WDFY2: variants seen among roughly 807,000 people sequenced by gnomAD.
WDFY2 encodes the protein WD repeat and FYVE domain containing 2.
A neutral mutation model predicts 56.4 loss-of-function variants in WDFY2; 36 were observed. That is an observed-to-expected ratio of 0.64 (90% confidence interval 0.49 to 0.84). The LOEUF (loss-of-function observed/expected upper bound fraction) is 0.84. WDFY2 is among the 40% of genes least tolerant of loss of function. The pLI is 0.00. For synonymous variants in WDFY2, 176 were observed against 183.7 expected, an observed-to-expected ratio of 0.96 and a Z score of 0.34; for missense variants, 444 against 512.2, an observed-to-expected ratio of 0.87 and a Z score of 1.29.
chr13:51,751,177 T>C, intron 7 of WDFY2, 133 bp from the exon 8 acceptor site: 1 of 673,056 alleles, frequency 1.5e-6, no homozygotes. Flanking sequence ...TGCTGAAAAT[T>C]CCAACAGGTT....
At chr13:51,756,270 A>G in intron 9 of WDFY2, 62 bp from the exon 10 acceptor site, 2 of 1,558,966 alleles carry the variant, frequency 1.3e-6, no homozygotes, top group South Asian at 1.2e-5. Context: ...GAGGGGTGAG[A>G]TGCGGGGGCC....
At chr13:51,630,731 T>C (rs1445408236) in intron 1 of WDFY2, among the ~76,000 whole-genome samples, 1 of 151,950 alleles carries the variant, frequency 6.6e-6, no homozygotes, top group African/African-American at 2.4e-5. Context: ...ATGCTGATTG[T>C]TTAGCTTTCA....
At position 51,764,357 on chromosome 13, in the gene WDFY2, G is replaced by A. The variant is rs553772655; in HGVS notation, c.*4588G>A. ...CAGGTGTGGCAGGAGGGGCTTCACAGAGGAAAGGGACTTTGAGCTCAGTGT... is the reference window on the plus strand; with the variant it reads ...CAGGTGTGGCAGGAGGGGCTTCACAAAGGAAAGGGACTTTGAGCTCAGTGT... On this transcript the variant is annotated 3_prime_UTR_variant, in exon 12 of 12. Transcript: ENST00000298125. 12 of 152,444 alleles carry A rather than the reference G, an allele frequency of 7.9e-5. No individual in the cohort carries two copies. Among genetic ancestry groups the A allele is most frequent in the African/African-American group, 2.6e-4 (11 of 41,540 alleles). The allele number at this position is 152,444 out of a possible 1,614,324, so 9.4% of individuals were successfully genotyped here. A position where few individuals can be genotyped will look rare whatever the true frequency, so the allele number is the denominator to read the frequency against.
intron 3 of WDFY2, among the ~76,000 whole-genome samples, chr13:51,692,463 T>C (rs1221127756): frequency 2.0e-5 from 3 of 152,254 alleles, no homozygotes; most frequent in Admixed American, 6.5e-5. Context: ...ATGTGGTTTT[T>C]CTCTTTGGTT....
At chr13:51,687,522 G>A (rs1956080402) in intron 3 of WDFY2, among the ~76,000 whole-genome samples, 1 of 151,670 alleles carries the variant, frequency 6.6e-6, no homozygotes, top group Non-Finnish European at 1.5e-5. Context: ...CATTTGTCTT[G>A]GGAAGAGTGT....
chr13:51,615,973 G>C (rs1229000917), intron 1 of WDFY2, among the ~76,000 whole-genome samples: 1 of 152,218 alleles, frequency 6.6e-6, no homozygotes. Context: ...GCCACATGTG[G>C]TGGTTTTTGC....
At chr13:51,662,631 G>A (rs1593954847) in intron 2 of WDFY2, among the ~76,000 whole-genome samples, 1 of 152,300 alleles carries the variant, frequency 6.6e-6, no homozygotes, top group Non-Finnish European at 1.5e-5. Context: ...ATACAGAGAA[G>A]CTTTTAGTTG....
At chr13:51,613,380 C>T (rs200340303) in intron 1 of WDFY2, among the ~76,000 whole-genome samples, 19 of 152,236 alleles carry the variant, frequency 1.2e-4, no homozygotes, top group East Asian at 7.7e-4. Flanking sequence ...GCTCATTCTT[C>T]GGTTCTGAGA....
chr13:51,751,201 C>G, intron 7 of WDFY2, 109 bp from the exon 8 acceptor site: 1 of 936,400 alleles, frequency 1.1e-6, no homozygotes, highest in East Asian at 2.8e-5. Flanking sequence ...AAGATCTACA[C>G]TGGGGGCTCG....
At chr13:51,703,327 G>C (rs1952021134) in intron 3 of WDFY2, among the ~76,000 whole-genome samples, 3 of 152,094 alleles carry the variant, frequency 2.0e-5, no homozygotes, top group Admixed American at 2.0e-4. Flanking sequence ...CTTCAGAATC[G>C]ACCGGTATCA....
chr13:51,679,481 G>A lies in WDFY2; in HGVS notation c.279+4238G>A, dbSNP rs546708812. Among the ~76,000 whole-genome samples, 157 of 152,262 alleles carry A rather than the reference G, an allele frequency of 1.0e-3. 1 individual carries two copies. The highest frequency in any genetic ancestry group is 2.0e-3 in the Non-Finnish European group (135 of 68,026). ...ATTAATCTCGTGTGTGTTATGGGAA[G>A]TTTGATTGGGATGAGAGGATTGATC... On this transcript the variant is annotated intron_variant, in intron 3 of 11. Coordinates refer to ENST00000298125, the MANE Select transcript of WDFY2 (RefSeq NM_052950.4).
chr13:51,724,488 C>T (rs1001433987), intron 5 of WDFY2, among the ~76,000 whole-genome samples: 5 of 152,192 alleles, frequency 3.3e-5, no homozygotes, highest in African/African-American at 7.2e-5. Flanking sequence ...CCGACCGCCT[C>T]GGCCTCCCAG....
rs1953575407 is a variant in WDFY2 at position 51,761,330 on chromosome 13, C to A, written c.*1561C>A. 1.3e-5 allele frequency: 2 copies of A among 152,140 alleles called. No individual in the cohort carries two copies. Among genetic ancestry groups the A allele is most frequent in the South Asian group, 4.2e-4 (2 of 4,812 alleles). The allele number at this position is 152,140 out of a possible 1,614,324, so 9.4% of individuals were successfully genotyped here. On this transcript the variant is annotated 3_prime_UTR_variant, in exon 12 of 12. Transcript: ENST00000298125. ...GTGATTCAGCTCAGGATATTGAAGTCCCTTTTAAAAATCTTATTTTCACCT... is the reference window on the plus strand; with the variant it reads ...GTGATTCAGCTCAGGATATTGAAGTACCTTTTAAAAATCTTATTTTCACCT...
At chr13:51,742,180 C>A (rs1329170895) in intron 7 of WDFY2, among the ~76,000 whole-genome samples, 1 of 152,166 alleles carries the variant, frequency 6.6e-6, no homozygotes, top group Admixed American at 6.5e-5. Flanking sequence ...CAGCTTCTTA[C>A]CATCCTTCAG....
At chr13:51,711,924 G>A (rs1377909488) in intron 4 of WDFY2, among the ~76,000 whole-genome samples, 1 of 152,164 alleles carries the variant, frequency 6.6e-6, no homozygotes. Context: ...ATTTGACCCA[G>A]CCATTACATT....
In WDFY2 at chr13:51,739,161, G is replaced by A; in HGVS notation, c.711G>A (p.Glu237=). The A allele has an allele frequency of 6.3e-7, 1 of 1,590,364 alleles. No homozygotes were observed. The highest frequency in any genetic ancestry group is 8.6e-7 in the Non-Finnish European group (1 of 1,168,812). ...GTGGGAGAAAAGGAACAGCCATCGA[G>A]CTCCAAGGACACAAGTAAGGTTGCT... is the stretch of plus-strand genomic sequence containing the variant. ...DIGGRKGTAI[E]LQGHNDRVQA... is the part of the protein sequence containing the mutation. The change falls in exon 7 of 12, where the codon GAG becomes GAA. Residue 237 remains glutamate, a synonymous_variant. Transcript: ENST00000298125.
Position 51,765,466 on chromosome 13 carries a change from TA to T in WDFY2, c.*5698del, listed in dbSNP as rs1292822377. The T allele has an allele frequency of 2.6e-5, 4 of 152,218 alleles. No individual in the cohort carries two copies. Among genetic ancestry groups the T allele is most frequent in the Admixed American group, 2.0e-4 (3 of 15,292 alleles). 9.4% of individuals were successfully genotyped at this position (152,218 alleles called of 1,614,324 possible). ...CAGGGAATTTTTTTAACACACAGTG[TA>T]GAGCCTTTGCCAGAGATGTTGAAAG... is the stretch of plus-strand genomic sequence containing the variant. On this transcript the variant is annotated 3_prime_UTR_variant, in exon 12 of 12. Transcript: ENST00000298125.
chr13:51,665,411 C>T (rs922467379), intron 2 of WDFY2, among the ~76,000 whole-genome samples: 2 of 152,128 alleles, frequency 1.3e-5, no homozygotes, highest in Admixed American at 6.5e-5. Context: ...ATTATTTGTT[C>T]CAGGCTTCTA....
chr13:51,712,874 T>G (rs1952254873), intron 4 of WDFY2, among the ~76,000 whole-genome samples: 1 of 152,022 alleles, frequency 6.6e-6, no homozygotes, highest in African/African-American at 2.4e-5. Context: ...ATTTGAAAAC[T>G]GAAATTTTAA....
Sources: gnomAD v4.1 joint callset for allele counts (sites outside exome capture counted in the v4.1 genomes callset) on GRCh38, gnomAD v4.1.1 for gene constraint, MANE v1.5 for transcripts, NCBI Gene and HGNC (gene_info 2026-07-23, HGNC 2026-07-21) for gene names.